The following WWOX variants were observed in gnomAD, a reference collection of about 807,000 sequenced individuals.
The protein encoded by WWOX is WW domain-containing oxidoreductase.
Under a neutral mutation model 46.2 loss-of-function variants are expected in WWOX, and 69 were observed. The observed-to-expected ratio is 1.49, with a 90% CI of 1.23 to 1.82. WWOX has a LOEUF of 1.82. WWOX is among the 40% of genes most tolerant of loss of function. The probability of loss-of-function intolerance (pLI) is 0.00; values close to 1 mark genes in which losing one functional copy is unlikely to be tolerated. For synonymous variants in WWOX, 359 were observed against 202.6 expected, an observed-to-expected ratio of 1.77 and a Z score of -6.56; for missense variants, 919 against 542.6, an observed-to-expected ratio of 1.69 and a Z score of -6.89.
chr16:78,489,793 G>A (rs775828743), intron 8 of WWOX, among the ~76,000 whole-genome samples: 21 of 152,098 alleles, frequency 1.4e-4, no homozygotes, highest in Admixed American at 1.3e-3. Flanking sequence ...CTGAAATCTG[G>A]GACCACAGTT....
In WWOX at chr16:78,114,935, G is replaced by C. The variant is rs7200645; in HGVS notation, c.231-41G>C. The stretch of plus-strand genomic sequence containing the variant: ...GATTGTCTTATATTTATAAATGCCT[G>C]TGTTCATTGCTGTGGGTTCACTGCT... On this transcript the variant is annotated intron_variant, in intron 3 of 8. Transcript: ENST00000566780. 9.5e-4 allele frequency: 1,525 copies of C among 1,612,896 alleles called. 21 individuals carry two copies. In the African/African-American group the frequency reaches 0.019, roughly 20 times the overall value.
At chr16:78,405,257 C>T (rs920931653) in intron 6 of WWOX, among the ~76,000 whole-genome samples, 3 of 152,172 alleles carry the variant, frequency 2.0e-5, no homozygotes, top group African/African-American at 7.2e-5. Context: ...CCAGGGGACA[C>T]AGCCGGTGCT....
intron 8 of WWOX, among the ~76,000 whole-genome samples, chr16:78,833,704 A>G (rs1179032490): frequency 6.6e-6 from 1 of 152,220 alleles, no homozygotes; most frequent in East Asian, 1.9e-4. Context: ...AGTTGATTGA[A>G]TGCTGTTACC....
At chr16:78,670,738 T>C (rs965059061) in intron 8 of WWOX, among the ~76,000 whole-genome samples, 2 of 152,066 alleles carry the variant, frequency 1.3e-5, no homozygotes, top group African/African-American at 4.8e-5. Flanking sequence ...TCTCAAACTG[T>C]TGGGCTGAAG....
chr16:79,124,460 A>G (rs755113238), intron 8 of WWOX, among the ~76,000 whole-genome samples: 6 of 152,314 alleles, frequency 3.9e-5, no homozygotes, highest in Non-Finnish European at 8.8e-5. Flanking sequence ...AAAGGAAGAC[A>G]GGGCAGGAGG....
chr16:78,543,915 C>T (rs1355949431), intron 8 of WWOX, among the ~76,000 whole-genome samples: 1 of 152,126 alleles, frequency 6.6e-6, no homozygotes, highest in Non-Finnish European at 1.5e-5. Context: ...AATAAACTAA[C>T]ATCTCAACAG....
chr16:78,915,753 C>T (rs983296134), intron 8 of WWOX, among the ~76,000 whole-genome samples: 14 of 152,114 alleles, frequency 9.2e-5, no homozygotes, highest in African/African-American at 3.4e-4. Context: ...CAAACATTTG[C>T]TTATTGGAAT....
chr16:78,857,740 C>G (rs190165945), intron 8 of WWOX, among the ~76,000 whole-genome samples: 1 of 152,350 alleles, frequency 6.6e-6, no homozygotes, highest in East Asian at 1.9e-4. Context: ...AACTTTGACT[C>G]ATGCTCATAA....
At chr16:78,890,920 C>A (rs1188351299) in intron 8 of WWOX, 1 of 152,132 alleles carries the variant, frequency 6.6e-6, no homozygotes, top group African/African-American at 2.4e-5. Context: ...CTCCTTTCAT[C>A]AGGGGGAACA....
At chr16:78,278,850 G>C (rs1022675305) in intron 5 of WWOX, 1 of 591,516 alleles carries the variant, frequency 1.7e-6, no homozygotes, top group Non-Finnish European at 3.0e-6. Flanking sequence ...GACTCTTCAG[G>C]TGACTAAAGA....
rs7404923 is a variant in WWOX, at chr16:78,802,946, C to G, written c.1056+370194C>G. Among the ~76,000 whole-genome samples the G allele has an allele frequency of 1.1e-4, 5 of 43,512 alleles. 2 individuals carry two copies. Among genetic ancestry groups the G allele is most frequent in the Non-Finnish European group, 2.1e-4 (5 of 23,450 alleles). The allele number at this position is 43,512 out of a possible 152,430, so 28.5% of individuals were successfully genotyped here. ...AAAAAAAAAAAAAAAAAAAAAACAA[C>G]AAACAGAAAAATGAACGAGTGAGTG... is the stretch of plus-strand genomic sequence containing the variant. On this transcript the variant is annotated intron_variant, in intron 8 of 8. Transcript: ENST00000566780.
chr16:78,854,606 C>G (rs2052525033), intron 8 of WWOX, among the ~76,000 whole-genome samples: 1 of 152,130 alleles, frequency 6.6e-6, no homozygotes, highest in African/African-American at 2.4e-5. Flanking sequence ...TTTGAAGCAG[C>G]ATGTTGCTTT....
intron 8 of WWOX, among the ~76,000 whole-genome samples, chr16:78,824,684 C>T (rs2051599887): frequency 6.6e-6 from 1 of 152,110 alleles, no homozygotes; most frequent in African/African-American, 2.4e-5. Context: ...CCCTGGTAAA[C>T]CCATCAGATC....
intron 8 of WWOX, among the ~76,000 whole-genome samples, chr16:79,041,037 C>G (rs1305823068): frequency 6.6e-6 from 1 of 151,720 alleles, no homozygotes; most frequent in East Asian, 1.9e-4. Flanking sequence ...CCGTTCTGAG[C>G]TTCAGTCTCT....
chr16:78,159,388 C>A (rs1251644659), intron 4 of WWOX, among the ~76,000 whole-genome samples: 1 of 152,088 alleles, frequency 6.6e-6, no homozygotes, highest in Non-Finnish European at 1.5e-5. Flanking sequence ...GAGGAACCTC[C>A]ATACTGTTTT....
At chr16:79,194,384 C>G (rs1267936050) in intron 8 of WWOX, among the ~76,000 whole-genome samples, 1 of 152,154 alleles carries the variant, frequency 6.6e-6, no homozygotes, top group Non-Finnish European at 1.5e-5. Flanking sequence ...CCTGGAACCC[C>G]TCTCAGTGAG....
intron 8 of WWOX, among the ~76,000 whole-genome samples, chr16:78,624,036 C>T (rs532867737): frequency 6.6e-6 from 1 of 152,126 alleles, no homozygotes; most frequent in East Asian, 1.9e-4. Context: ...AAGTAAGAAC[C>T]CACAGCATCT....
intron 8 of WWOX, among the ~76,000 whole-genome samples, chr16:79,030,286 C>T (rs2047727181): frequency 6.6e-6 from 1 of 152,176 alleles, no homozygotes; most frequent in Admixed American, 6.5e-5. Flanking sequence ...TTTATGACTT[C>T]TTCATTAGGG....
chr16:78,729,730 C>T (rs558276390), intron 8 of WWOX, among the ~76,000 whole-genome samples: 3 of 152,280 alleles, frequency 2.0e-5, no homozygotes, highest in South Asian at 4.2e-4. Flanking sequence ...TTTGTTACAG[C>T]AGACATAGCA....
Sources: gnomAD v4.1 joint callset for allele counts (sites outside exome capture counted in the v4.1 genomes callset) on GRCh38, gnomAD v4.1.1 for gene constraint, MANE v1.5 for transcripts, NCBI Gene and HGNC (gene_info 2026-07-23, HGNC 2026-07-21) for gene names.